The following LAMA2 variants were observed in gnomAD, a reference collection of about 807,000 sequenced individuals.
LAMA2 encodes the protein laminin subunit alpha-2.
Under a neutral mutation model 364.8 loss-of-function variants are expected in LAMA2, and 269 were observed. The observed-to-expected ratio is 0.74, with a 90% confidence interval of 0.67 to 0.82. LAMA2 has a LOEUF of 0.82. Ranked by LOEUF, LAMA2 falls within the 40% of genes least tolerant of loss-of-function variation. The pLI is 0.00. For synonymous variants in LAMA2, 1,379 were observed against 1,370.6 expected, an observed-to-expected ratio of 1.01 and a Z score of -0.14; for missense variants, 3,807 against 3,873.2, an observed-to-expected ratio of 0.98 and a Z score of 0.45.
At chr6:129,117,009 T>C (rs187657012) in intron 4 of LAMA2, among the ~76,000 whole-genome samples, 19 of 151,994 alleles carry the variant, frequency 1.3e-4, no homozygotes, top group Admixed American at 1.0e-3. Flanking sequence ...CAAAATAAAA[T>C]AAAAGAAAAA....
At chr6:128,917,908 A>AT (rs1365856656) in intron 1 of LAMA2, among the ~76,000 whole-genome samples, 87 of 149,120 alleles carry the variant, frequency 5.8e-4, no homozygotes, top group African/African-American at 2.0e-3. Context: ...TAATTTTTCT[A>AT]TTTTTTTTGT....
intron 1 of LAMA2, among the ~76,000 whole-genome samples, chr6:128,986,521 C>T (rs928759471): frequency 2.0e-5 from 3 of 152,044 alleles, no homozygotes; most frequent in African/African-American, 7.2e-5. Context: ...TCATTAATTT[C>T]ATATTTGTAT....
intron 37 of LAMA2, 66 bp from the exon 38 acceptor site, chr6:129,401,158 C>G (rs941254380): frequency 5.0e-6 from 5 of 992,542 alleles, no homozygotes; most frequent in Admixed American, 3.4e-5. Flanking sequence ...TCAGGAAAGT[C>G]AGGAATACAA....
At chr6:129,082,455 T>C (rs1774125034) in intron 3 of LAMA2, among the ~76,000 whole-genome samples, 1 of 152,146 alleles carries the variant, frequency 6.6e-6, no homozygotes, top group Non-Finnish European at 1.5e-5. Flanking sequence ...AACATGCTAG[T>C]TCTCTAGTAG....
chr6:129,230,904 A>G (rs265331), intron 12 of LAMA2, among the ~76,000 whole-genome samples: 141,085 of 152,138 alleles, frequency 0.93, 65,812 homozygotes, highest in Non-Finnish European at 0.97. Flanking sequence ...AAATGCTATT[A>G]GTACTGTAGC....
At chr6:129,078,262 G>A (rs766108101) in intron 3 of LAMA2, among the ~76,000 whole-genome samples, 2 of 151,844 alleles carry the variant, frequency 1.3e-5, no homozygotes, top group Non-Finnish European at 2.9e-5. Flanking sequence ...GGCTTCCTGA[G>A]TACCTGGAAC....
chr6:129,329,637 C>T (rs1388207622), intron 29 of LAMA2, among the ~76,000 whole-genome samples: 1 of 152,210 alleles, frequency 6.6e-6, no homozygotes, highest in African/African-American at 2.4e-5. Context: ...GCTGGGATTA[C>T]AGGCATGAGC....
intron 34 of LAMA2, among the ~76,000 whole-genome samples, chr6:129,375,146 T>C (rs141270186): frequency 1.3e-5 from 2 of 152,282 alleles, no homozygotes; most frequent in East Asian, 1.9e-4. Context: ...TATATTTTAA[T>C]TCATGTATAA....
chr6:128,969,617 T>C (rs932598835), intron 1 of LAMA2, among the ~76,000 whole-genome samples: 14 of 151,874 alleles, frequency 9.2e-5, no homozygotes, highest in Admixed American at 4.6e-4. Context: ...TTTTAGTAGA[T>C]ATGAGGTTTC....
At chr6:129,505,618 C>T (rs1462638896) in intron 61 of LAMA2, among the ~76,000 whole-genome samples, 2 of 152,212 alleles carry the variant, frequency 1.3e-5, no homozygotes, top group Middle Eastern at 3.4e-3. Flanking sequence ...ACGCCATTCT[C>T]CTGCCTCAGC....
chr6:129,233,310 AG>A (rs1328664891), intron 12 of LAMA2, among the ~76,000 whole-genome samples: 2 of 152,096 alleles, frequency 1.3e-5, no homozygotes, highest in South Asian at 2.1e-4. Flanking sequence ...TGCACAATGC[AG>A]GGATTAGGGA....
At chr6:128,936,130 T>C (rs1390389124) in intron 1 of LAMA2, among the ~76,000 whole-genome samples, 1 of 152,232 alleles carries the variant, frequency 6.6e-6, no homozygotes, top group Non-Finnish European at 1.5e-5. Flanking sequence ...GTTGTAAGCT[T>C]CCTGAGGTCT....
chr6:129,414,753 T>G (rs775976775), intron 40 of LAMA2, among the ~76,000 whole-genome samples: 1 of 152,226 alleles, frequency 6.6e-6, no homozygotes, highest in Non-Finnish European at 1.5e-5. Flanking sequence ...TTTAATTTCT[T>G]TTAAATGATC....
chr6:129,410,357 C>T (rs991735820), intron 40 of LAMA2, among the ~76,000 whole-genome samples: 2 of 151,992 alleles, frequency 1.3e-5, no homozygotes, highest in African/African-American at 4.8e-5. Context: ...TTTTTAATTC[C>T]CATGGCAAAT....
intron 1 of LAMA2, among the ~76,000 whole-genome samples, chr6:129,035,897 T>C (rs1045292651): frequency 1.3e-5 from 2 of 152,154 alleles, no homozygotes; most frequent in African/African-American, 4.8e-5. Context: ...TCTCAGAGCA[T>C]AGTGTGAAGT....
intron 61 of LAMA2, 55 bp downstream of exon 61, chr6:129,505,410 A>G: frequency 6.8e-7 from 1 of 1,469,268 alleles, no homozygotes; most frequent in Non-Finnish European, 9.5e-7. Flanking sequence ...TCATTTATTG[A>G]TATATTTTGA....
At chr6:128,918,514 T>G (rs1778491188) in intron 1 of LAMA2, among the ~76,000 whole-genome samples, 1 of 152,170 alleles carries the variant, frequency 6.6e-6, no homozygotes, top group African/African-American at 2.4e-5. Flanking sequence ...TAAACTGAAT[T>G]TTTCGTCTTC....
At chr6:129,463,670 T>C (rs1783383936) in intron 49 of LAMA2, among the ~76,000 whole-genome samples, 1 of 152,078 alleles carries the variant, frequency 6.6e-6, no homozygotes, top group Non-Finnish European at 1.5e-5. Flanking sequence ...GGCAATTTGC[T>C]ATACTAAAAT....
At chr6:129,468,900 T>C (rs1314086371) in intron 51 of LAMA2, among the ~76,000 whole-genome samples, 2 of 151,692 alleles carry the variant, frequency 1.3e-5, no homozygotes, top group African/African-American at 2.4e-5. Context: ...AAGGGAGACA[T>C]ATGGAGGGAG....
Sources: gnomAD v4.1 joint callset for allele counts (sites outside exome capture counted in the v4.1 genomes callset) on GRCh38, gnomAD v4.1.1 for gene constraint, MANE v1.5 for transcripts, NCBI Gene and HGNC (gene_info 2026-07-23, HGNC 2026-07-21) for gene names.